Variants in COL4A4 observed in about 807,000 individuals in gnomAD.
COL4A4 encodes the protein collagen type IV alpha 4 chain, also known as collagen alpha-4(IV) chain.
In COL4A4, 105 loss-of-function variants were observed where a neutral mutation model predicts 192.9. The ratio of observed to expected loss-of-function variants is 0.54; its 90% CI spans 0.46 to 0.64. The LOEUF is 0.64. Ranked by LOEUF, COL4A4 falls within the 30% of genes least tolerant of loss-of-function variation. The probability of loss-of-function intolerance (pLI) is 0.00; values close to 1 mark genes in which losing one functional copy is unlikely to be tolerated. For missense variants in COL4A4, 1,967 were observed against 2,169.3 expected, an observed-to-expected ratio of 0.91 and a Z score of 1.85; for synonymous variants, 762 against 769.9, an observed-to-expected ratio of 0.99 and a Z score of 0.17.
rs2060352444 is a variant in COL4A4 at position 227,098,925 on chromosome 2, T to A, written c.1100-127A>T. ...GACATTTTTGCAGTTTCTCATTACA[T>A]TTAAAACGAAATATCTTAAATGTGA... On this transcript the variant is annotated intron_variant, in intron 18 of 47. Transcript: ENST00000396625. 7.9e-6 allele frequency: 6 copies of A among 757,104 alleles called. No homozygotes were observed. In the Admixed American group the frequency reaches 1.2e-4, roughly 15 times the overall value. 46.9% of individuals were successfully genotyped at this position (757,104 alleles called of 1,614,324 possible). A position where few individuals can be genotyped will look rare whatever the true frequency, so the allele number is the denominator to read the frequency against.
chr2:227,157,332 C>T (rs1559764512), intron 1 of COL4A4, among the ~76,000 whole-genome samples: 1 of 151,846 alleles, frequency 6.6e-6, no homozygotes, highest in African/African-American at 2.4e-5. Flanking sequence ...TATAAAATTT[C>T]CTATTAGAAA....
At chr2:227,052,592 A>G (rs1053007842) in intron 31 of COL4A4, among the ~76,000 whole-genome samples, 180 bp from the exon 32 acceptor site, 4 of 152,168 alleles carry the variant, frequency 2.6e-5, no homozygotes, top group African/African-American at 9.7e-5. Context: ...GTCATCTTTT[A>G]CGTTCCTGAC....
rs192182304 is a variant in COL4A4 at position 227,104,867 on chromosome 2, C to T, written c.736-815G>A. The stretch of plus-strand genomic sequence containing the variant: ...TGTTGGTCAGGCTGGTCTCGAACTC[C>T]GGACCTCAGGTGATCCGCCCGCCTC... On this transcript the variant is annotated intron_variant, in intron 12 of 47. Coordinates refer to ENST00000396625, the MANE Select transcript of COL4A4 (RefSeq NM_000092.5). 1.2e-3 allele frequency among the ~76,000 whole-genome samples: 187 copies of T among 151,352 alleles called. 3 individuals carry two copies. The Middle Eastern group carries it at 0.024, about 20-fold the overall frequency.
At chr2:227,025,343 G>T (rs573488586) in intron 43 of COL4A4, among the ~76,000 whole-genome samples, 33 of 152,302 alleles carry the variant, frequency 2.2e-4, no homozygotes, top group Middle Eastern at 6.8e-3. Flanking sequence ...AAAGAAATGT[G>T]CTCCTTGAAA....
intron 22 of COL4A4, among the ~76,000 whole-genome samples, chr2:227,088,222 G>A (rs551914590): frequency 6.6e-6 from 1 of 152,172 alleles, no homozygotes; most frequent in African/African-American, 2.4e-5. Context: ...GAGGCACCTC[G>A]ATTTTTATCT....
the COL4A4 span, among the ~76,000 whole-genome samples, chr2:226,983,224 A>G: frequency 6.6e-6 from 1 of 152,122 alleles, no homozygotes; most frequent in South Asian, 2.1e-4. Context: ...ATTGATCTGG[A>G]ATCTTCCATT....
chr2:227,040,052 T>C (rs981398859), intron 37 of COL4A4, among the ~76,000 whole-genome samples: 1 of 152,170 alleles, frequency 6.6e-6, no homozygotes, highest in Non-Finnish European at 1.5e-5. Flanking sequence ...CACTACCACT[T>C]CTGGAAAATT....
chr2:227,145,475 C>T (rs1272981031), intron 2 of COL4A4, among the ~76,000 whole-genome samples: 2 of 152,086 alleles, frequency 1.3e-5, no homozygotes, highest in Admixed American at 1.3e-4. Flanking sequence ...ACCCATTAAA[C>T]ATCTGCATAT....
At chr2:227,129,124 C>T (rs183245032) in intron 4 of COL4A4, among the ~76,000 whole-genome samples, 178 of 152,256 alleles carry the variant, frequency 1.2e-3, no homozygotes, top group Non-Finnish European at 1.8e-3. Flanking sequence ...TCATGGAATC[C>T]TTACCACCCT....
At chr2:227,034,971 T>G (rs1575950954) in intron 37 of COL4A4, among the ~76,000 whole-genome samples, 1 of 152,088 alleles carries the variant, frequency 6.6e-6, no homozygotes, top group Non-Finnish European at 1.5e-5. Context: ...GTTTACTTAG[T>G]GTAGGGTCAC....
At chr2:227,057,317 G>T in intron 29 of COL4A4, 122 bp downstream of exon 29, 1 of 1,152,294 alleles carries the variant, frequency 8.7e-7, no homozygotes, top group Non-Finnish European at 1.2e-6. Flanking sequence ...CATGAGTAAC[G>T]AAGTCCTTTG....
intron 37 of COL4A4, among the ~76,000 whole-genome samples, chr2:227,040,347 T>C (rs562950387): frequency 6.6e-6 from 1 of 152,276 alleles, no homozygotes; most frequent in African/African-American, 2.4e-5. Context: ...GACTGCAACC[T>C]CATATCTACT....
At chr2:227,130,347 G>A (rs1019924135) in intron 4 of COL4A4, among the ~76,000 whole-genome samples, 1 of 152,186 alleles carries the variant, frequency 6.6e-6, no homozygotes, top group Admixed American at 6.5e-5. Flanking sequence ...CCTTACTCCA[G>A]GCCATTGGAG....
At chr2:227,029,152 C>T (rs1034272238) in intron 41 of COL4A4, among the ~76,000 whole-genome samples, 33 of 152,168 alleles carry the variant, frequency 2.2e-4, no homozygotes, top group Non-Finnish European at 3.8e-4. Flanking sequence ...ATTAGCGGTT[C>T]CACCAATATT....
intron 3 of COL4A4, 61 bp from the exon 4 acceptor site, chr2:227,140,299 A>T: frequency 7.3e-7 from 1 of 1,365,024 alleles, no homozygotes; most frequent in East Asian, 2.3e-5. Flanking sequence ...CGTGCATAAC[A>T]CATACATTAT....
intron 27 of COL4A4, 37 bp downstream of exon 27, chr2:227,060,099 C>CAAAAAAAAAAAAAAAA: frequency 4.8e-6 from 2 of 417,126 alleles, no homozygotes; most frequent in Non-Finnish European, 6.4e-6. Context: ...ATTCCCAAAG[C>CAAAAAAAAAAAAAAAA]AGAAAAAAAA....
chr2:227,032,127 GC>G lies in COL4A4; in HGVS notation c.3706+20del. The G allele has an allele frequency of 6.2e-7, 1 of 1,614,124 alleles. No homozygotes were observed. The highest frequency in any genetic ancestry group is 1.1e-5 in the South Asian group (1 of 91,088). On this transcript the variant is annotated intron_variant, in intron 39 of 47. Transcript: ENST00000396625. ...TTTTGGTTTAGTTATTGAAAGAAGG[GC>G]AAAGCATGCTACAGCTTACCTGGGG...
chr2:227,140,611 T>C (rs1285134042), intron 3 of COL4A4, among the ~76,000 whole-genome samples: 1 of 152,164 alleles, frequency 6.6e-6, no homozygotes, highest in Non-Finnish European at 1.5e-5. Context: ...CTAGTTTAAA[T>C]GAAAAGCTTG....
At chr2:227,081,582 G>T (rs970305238) in intron 23 of COL4A4, among the ~76,000 whole-genome samples, 6 of 152,138 alleles carry the variant, frequency 3.9e-5, no homozygotes, top group Admixed American at 3.9e-4. Context: ...TCAGCTTGCA[G>T]ACAGCCTGTA....
Sources: gnomAD v4.1 joint callset for allele counts (sites outside exome capture counted in the v4.1 genomes callset) on GRCh38, gnomAD v4.1.1 for gene constraint, MANE v1.5 for transcripts, NCBI Gene and HGNC (gene_info 2026-07-23, HGNC 2026-07-21) for gene names.